MYO16: variants seen among roughly 807,000 people sequenced by gnomAD.
MYO16 encodes the protein myosin XVI, also known as unconventional myosin-XVI.
MYO16 carries 94 observed loss-of-function variants against 205.3 expected under a neutral mutation model. That is an observed-to-expected ratio of 0.46 (90% CI 0.39 to 0.54). The LOEUF is 0.54. Ranked by LOEUF, MYO16 falls within the 20% of genes least tolerant of loss-of-function variation. MYO16 has a pLI of 0.00. For synonymous variants in MYO16, 988 were observed against 954.0 expected (o/e 1.04, Z -0.66); for missense variants, 2,315 against 2,387.5 (o/e 0.97, Z 0.63).
the MYO16 span, among the ~76,000 whole-genome samples, chr13:108,523,998 ATT>A: frequency 6.6e-6 from 1 of 152,148 alleles, no homozygotes; most frequent in Admixed American, 6.5e-5. Flanking sequence ...AGATCTGGTC[ATT>A]TATAAGTGTG....
At chr13:108,711,286 T>G (rs1362113427) in intron 2 of MYO16, among the ~76,000 whole-genome samples, 1 of 152,260 alleles carries the variant, frequency 6.6e-6, no homozygotes, top group Non-Finnish European at 1.5e-5. Context: ...TTGCCACCTT[T>G]GAGAATGTTT....
In MYO16 at chr13:108,758,793, C is replaced by T. The variant is rs528954068; in HGVS notation, c.508-26842C>T. 6.4e-4 allele frequency among the ~76,000 whole-genome samples: 98 copies of T among 152,192 alleles called. 1 individual carries two copies. Among genetic ancestry groups the T allele is most frequent in the Non-Finnish European group, 1.2e-3 (81 of 68,022 alleles). On this transcript the variant is annotated intron_variant, in intron 4 of 34. Transcript: ENST00000457511. ...AATCATGTCATCTTAAAGCCATATT[C>T]GAAAAGCATGTTATAATATCAGAAT...
intron 2 of MYO16, among the ~76,000 whole-genome samples, chr13:108,673,019 T>C (rs1245512111): frequency 1.3e-5 from 2 of 152,134 alleles, no homozygotes; most frequent in Non-Finnish European, 2.9e-5. Context: ...ATAACATATG[T>C]AGTAGGTACA....
At chr13:108,913,837 G>A (rs1566408317) in intron 16 of MYO16, among the ~76,000 whole-genome samples, 1 of 152,150 alleles carries the variant, frequency 6.6e-6, no homozygotes, top group Non-Finnish European at 1.5e-5. Context: ...GCCAATCCCA[G>A]CGGCCATACT....
chr13:109,075,414 G>A (rs1175366426), intron 27 of MYO16, among the ~76,000 whole-genome samples: 2 of 28,036 alleles, frequency 7.1e-5, no homozygotes, highest in African/African-American at 1.0e-4. Context: ...TTTTGAGATG[G>A]AGTCTCACTC....
chr13:108,696,171 G>A (rs1431232612), intron 2 of MYO16, among the ~76,000 whole-genome samples: 1 of 152,134 alleles, frequency 6.6e-6, no homozygotes, highest in Admixed American at 6.6e-5. Context: ...ACTTTGGAAA[G>A]CTGTTTGGCA....
intron 34 of MYO16, among the ~76,000 whole-genome samples, chr13:109,202,099 A>G (rs939377533): frequency 2.0e-5 from 3 of 151,988 alleles, no homozygotes; most frequent in Non-Finnish European, 2.9e-5. Context: ...TTATCCACTC[A>G]TTGATTGATG....
chr13:108,684,842 A>G (rs983134516), intron 2 of MYO16, among the ~76,000 whole-genome samples: 1 of 152,130 alleles, frequency 6.6e-6, no homozygotes, highest in Non-Finnish European at 1.5e-5. Context: ...CCGCCTGGTG[A>G]GCCTGGAAGC....
At chr13:109,004,608 A>G (rs182497622) in intron 21 of MYO16, among the ~76,000 whole-genome samples, 1 of 152,314 alleles carries the variant, frequency 6.6e-6, no homozygotes, top group East Asian at 1.9e-4. Flanking sequence ...TTGCATGGAA[A>G]GTAGTTTTTC....
intron 3 of MYO16, among the ~76,000 whole-genome samples, chr13:108,722,189 G>T (rs1007781764): frequency 2.0e-5 from 3 of 152,180 alleles, no homozygotes; most frequent in Admixed American, 2.0e-4. Context: ...GGAGGACCTG[G>T]TGGTGTTGGA....
chr13:109,054,401 C>A, intron 25 of MYO16: 2 of 269,430 alleles, frequency 7.4e-6, no homozygotes, highest in Non-Finnish European at 1.5e-5. Flanking sequence ...ACCATTCATT[C>A]ATTCAACTCC....
At chr13:108,722,500 G>A (rs1049182071) in intron 3 of MYO16, among the ~76,000 whole-genome samples, 10 of 152,120 alleles carry the variant, frequency 6.6e-5, no homozygotes, top group Admixed American at 1.3e-4. Context: ...CTTGAGAGGG[G>A]CTGATATCAC....
intron 16 of MYO16, among the ~76,000 whole-genome samples, chr13:108,915,433 T>A (rs1156886463): frequency 6.6e-6 from 1 of 152,234 alleles, no homozygotes; most frequent in Non-Finnish European, 1.5e-5. Context: ...AAATGCTTGT[T>A]ACCAAAAGTT....
chr13:108,652,806 T>C (rs1032039580), intron 1 of MYO16, among the ~76,000 whole-genome samples: 1 of 152,214 alleles, frequency 6.6e-6, no homozygotes, highest in Non-Finnish European at 1.5e-5. Flanking sequence ...TCTATGGACA[T>C]CTGCTTCCAC....
At chr13:108,879,723 G>A (rs917948097) in intron 12 of MYO16, among the ~76,000 whole-genome samples, 1 of 152,106 alleles carries the variant, frequency 6.6e-6, no homozygotes, top group East Asian at 1.9e-4. Context: ...AGTATTCCAT[G>A]GTGTGTATGT....
At chr13:109,015,226 G>A (rs528725082) in intron 22 of MYO16, among the ~76,000 whole-genome samples, 2 of 152,284 alleles carry the variant, frequency 1.3e-5, no homozygotes, top group East Asian at 3.9e-4. Context: ...TAATCATGTG[G>A]TTTTTGTCTT....
At chr13:108,909,888 G>A in intron 15 of MYO16, 115 bp from the exon 16 acceptor site, 2 of 1,077,084 alleles carry the variant, frequency 1.9e-6, no homozygotes, top group Non-Finnish European at 2.7e-6. Context: ...TAAATAGATG[G>A]GAAAGGGAGA....
At chr13:108,528,612 TCCCCTCCCCTCTC>T in the MYO16 span, among the ~76,000 whole-genome samples, 1 of 5,396 alleles carries the variant, frequency 1.9e-4, no homozygotes, top group Non-Finnish European at 3.8e-4. Context: ...TCTCCTCTCC[TCCCCTCCCCTCTC>T]CCCCTCCCCT....
intron 7 of MYO16, among the ~76,000 whole-genome samples, chr13:108,819,517 GAAA>G (rs1875847154): frequency 3.3e-5 from 5 of 152,126 alleles, no homozygotes; most frequent in Admixed American, 6.6e-5. Context: ...GAAATAGAGA[GAAA>G]CATAGTTTTG....
Sources: allele counts gnomAD v4.1 joint callset (sites outside exome capture counted in the v4.1 genomes callset), GRCh38; gene constraint gnomAD v4.1.1; transcripts MANE v1.5; gene names NCBI Gene and HGNC (gene_info 2026-07-23, HGNC 2026-07-21).